Variants in RIMS1 observed in about 807,000 individuals in gnomAD.
RIMS1 encodes the protein regulating synaptic membrane exocytosis 1, also known as regulating synaptic membrane exocytosis protein 1.
In RIMS1, 83 loss-of-function variants were observed where a neutral mutation model predicts 214.1. That is an observed-to-expected ratio of 0.39 (90% CI 0.32 to 0.47). The LOEUF (loss-of-function observed/expected upper bound fraction) is 0.47. Ranked by LOEUF, RIMS1 falls within the 20% of genes least tolerant of loss-of-function variation. The pLI is 0.99. For synonymous variants in RIMS1, 793 were observed against 786.8 expected, an observed-to-expected ratio of 1.01 and a Z score of -0.13; for missense variants, 2,050 against 2,161.8, an observed-to-expected ratio of 0.95 and a Z score of 1.03.
At chr6:72,364,530 A>C (rs1351652826) in intron 29 of RIMS1, among the ~76,000 whole-genome samples, 2 of 152,208 alleles carry the variant, frequency 1.3e-5, no homozygotes, top group Non-Finnish European at 1.5e-5. Flanking sequence ...AAATTCTCTT[A>C]TCTTTCTCAA....
In RIMS1 at chr6:72,326,167, G is replaced by T. The variant is rs140790663; in HGVS notation, c.4131-7433G>T. Reference sequence around the variant, plus strand: ...CAATAGAATTATGGTAGACTTCTAGGTTCTTTTAGTGGATTGAATGTATGT... The same window carrying T: ...CAATAGAATTATGGTAGACTTCTAGTTTCTTTTAGTGGATTGAATGTATGT... On this transcript the variant is annotated intron_variant, in intron 28 of 33. Coordinates refer to ENST00000521978, the MANE Select transcript of RIMS1 (RefSeq NM_014989.7). 5.3e-5 allele frequency among the ~76,000 whole-genome samples: 8 copies of T among 151,864 alleles called. No individual in the cohort carries two copies. The East Asian group carries it at 1.6e-3, about 30-fold the overall frequency.
intron 6 of RIMS1, among the ~76,000 whole-genome samples, chr6:72,196,579 A>AATTTTTTTTTTTTTTTTTTTTTTT: frequency 3.1e-5 from 1 of 32,658 alleles, no homozygotes; most frequent in African/African-American, 2.2e-4. Flanking sequence ...AGCCAGCTGC[A>AATTTTTTTTTTTTTTTTTTTTTTT]CTTTTTTTTT....
At chr6:71,954,574 G>A (rs887811479) in intron 1 of RIMS1, among the ~76,000 whole-genome samples, 7 of 151,852 alleles carry the variant, frequency 4.6e-5, no homozygotes, top group Non-Finnish European at 8.8e-5. Context: ...TTTGACTTCC[G>A]TAGTTGTTTA....
chr6:72,178,794 G>A (rs1425272616), intron 4 of RIMS1, among the ~76,000 whole-genome samples: 2 of 152,134 alleles, frequency 1.3e-5, no homozygotes, highest in Admixed American at 1.3e-4. Context: ...GTCATCAAAT[G>A]GAGAACAGAC....
chr6:72,233,556 A>G (rs958029882), intron 6 of RIMS1, among the ~76,000 whole-genome samples: 1 of 151,610 alleles, frequency 6.6e-6, no homozygotes, highest in African/African-American at 2.4e-5. Context: ...TTATGAGAGA[A>G]AAAGGTAGTC....
chr6:72,238,071 C>T (rs2807525), intron 9 of RIMS1, 149 bp downstream of exon 9: 294,662 of 435,756 alleles, frequency 0.68, 102,468 homozygotes, highest in East Asian at 0.98. Context: ...TTTTAATGCA[C>T]GAATAAAGAC....
At chr6:71,983,058 T>C (rs747244463) in intron 2 of RIMS1, among the ~76,000 whole-genome samples, 14 of 152,100 alleles carry the variant, frequency 9.2e-5, no homozygotes, top group Non-Finnish European at 2.1e-4. Flanking sequence ...CCACCAATGA[T>C]AATCCTGCCT....
intron 29 of RIMS1, among the ~76,000 whole-genome samples, chr6:72,343,440 TC>T (rs2097159746): frequency 6.6e-6 from 1 of 150,712 alleles, no homozygotes; most frequent in Non-Finnish European, 1.5e-5. Flanking sequence ...TATTGTGTCT[TC>T]TCAAGGAAAT....
chr6:72,075,672 A>G (rs1244164073), intron 2 of RIMS1, among the ~76,000 whole-genome samples: 2 of 152,240 alleles, frequency 1.3e-5, no homozygotes, highest in Admixed American at 6.5e-5. Context: ...TCACCAGCCC[A>G]TCTATAATTC....
At chr6:72,302,449 C>A (rs2154273585) in intron 26 of RIMS1, among the ~76,000 whole-genome samples, 1 of 151,724 alleles carries the variant, frequency 6.6e-6, no homozygotes, top group East Asian at 1.9e-4. Context: ...ATAGTCTATA[C>A]TGATTCAATT....
At chr6:71,969,911 CA>C (rs1220640865) in intron 2 of RIMS1, among the ~76,000 whole-genome samples, 1 of 118,914 alleles carries the variant, frequency 8.4e-6, no homozygotes, top group Non-Finnish European at 1.9e-5. Context: ...AAATGACCAA[CA>C]GAAAGAGTTT....
At chr6:72,349,433 T>A (rs1271924450) in intron 29 of RIMS1, among the ~76,000 whole-genome samples, 1 of 152,048 alleles carries the variant, frequency 6.6e-6, no homozygotes, top group Non-Finnish European at 1.5e-5. Flanking sequence ...TAAAGTTACA[T>A]TTATAAATAG....
At chr6:72,014,218 T>G (rs965183978) in intron 2 of RIMS1, among the ~76,000 whole-genome samples, 1 of 152,186 alleles carries the variant, frequency 6.6e-6, no homozygotes, top group Non-Finnish European at 1.5e-5. Context: ...AAGCCCCTTA[T>G]AAAACCATTA....
intron 28 of RIMS1, among the ~76,000 whole-genome samples, chr6:72,316,119 T>C (rs1057345191): frequency 4.6e-5 from 7 of 152,180 alleles, no homozygotes; most frequent in African/African-American, 1.4e-4. Context: ...TGTAAATTCC[T>C]GTTATCTTCC....
chr6:72,245,553 G>A (rs573703308), intron 10 of RIMS1, among the ~76,000 whole-genome samples: 1 of 151,946 alleles, frequency 6.6e-6, no homozygotes, highest in African/African-American at 2.4e-5. Flanking sequence ...AAAATATTGT[G>A]GTGATTTTAA....
intron 28 of RIMS1, among the ~76,000 whole-genome samples, chr6:72,332,100 TTC>T (rs753276887): frequency 2.0e-5 from 3 of 151,808 alleles, no homozygotes; most frequent in Non-Finnish European, 2.9e-5. Flanking sequence ...TCCCAACACT[TTC>T]TGTTTTATAA....
At chr6:72,058,387 C>T (rs765095116) in intron 2 of RIMS1, among the ~76,000 whole-genome samples, 5 of 152,110 alleles carry the variant, frequency 3.3e-5, no homozygotes, top group Non-Finnish European at 5.9e-5. Context: ...ATAGAAATAC[C>T]CAGAAACTGA....
intron 24 of RIMS1, among the ~76,000 whole-genome samples, chr6:72,288,417 T>C (rs2092774799): frequency 6.6e-6 from 1 of 152,156 alleles, no homozygotes; most frequent in Non-Finnish European, 1.5e-5. Context: ...TGACCCTATA[T>C]TGATGCTCAG....
At chr6:72,396,745 G>A (rs552171101) in intron 31 of RIMS1, among the ~76,000 whole-genome samples, 25 of 152,228 alleles carry the variant, frequency 1.6e-4, no homozygotes, top group African/African-American at 5.8e-4. Context: ...GGACACGGTG[G>A]CTCACACCTG....
Sources: gnomAD v4.1 joint callset for allele counts (sites outside exome capture counted in the v4.1 genomes callset) on GRCh38, gnomAD v4.1.1 for gene constraint, MANE v1.5 for transcripts, NCBI Gene and HGNC (gene_info 2026-07-23, HGNC 2026-07-21) for gene names.